The following IMMP2L variants were observed in gnomAD, a reference collection of about 807,000 sequenced individuals.
IMMP2L encodes inner mitochondrial membrane peptidase subunit 2.
IMMP2L carries 18 observed loss-of-function variants against 19.3 expected under a neutral mutation model. The observed-to-expected ratio is 0.93, with a 90% CI of 0.64 to 1.38. The LOEUF (loss-of-function observed/expected upper bound fraction) is 1.38. Among genes scored for constraint, IMMP2L ranks in the 40% most tolerant of loss-of-function variants. IMMP2L has a pLI of 0.00. For synonymous variants in IMMP2L, 76 were observed against 73.0 expected (o/e 1.04, Z -0.21); for missense variants, 233 against 218.2 (o/e 1.07, Z -0.43).
At chr7:110,928,154 C>T (rs1386421153) in intron 4 of IMMP2L, among the ~76,000 whole-genome samples, 1 of 151,418 alleles carries the variant, frequency 6.6e-6, no homozygotes, top group Non-Finnish European at 1.5e-5. Context: ...CACAACAAAC[C>T]CCTAAAACAG....
At chr7:111,465,108 C>A (rs1386863038) in intron 3 of IMMP2L, among the ~76,000 whole-genome samples, 2 of 152,118 alleles carry the variant, frequency 1.3e-5, no homozygotes, top group Admixed American at 6.6e-5. Context: ...ACAGCCAACT[C>A]TTTAAATTTT....
intron 3 of IMMP2L, among the ~76,000 whole-genome samples, chr7:111,451,841 G>T (rs569422327): frequency 1.3e-5 from 2 of 151,974 alleles, no homozygotes; most frequent in African/African-American, 2.4e-5. Context: ...GTTTTCTCTC[G>T]ATATATCACT....
At chr7:110,872,240 C>T (rs1808609166) in intron 5 of IMMP2L, among the ~76,000 whole-genome samples, 1 of 152,134 alleles carries the variant, frequency 6.6e-6, no homozygotes, top group Non-Finnish European at 1.5e-5. Context: ...ATATTCTAAA[C>T]ACTTCCACCT....
chr7:111,534,828 G>A lies in IMMP2L; in HGVS notation c.-2-13379C>T, dbSNP rs551364461. On this transcript the variant is annotated intron_variant, in intron 1 of 5. Transcript: ENST00000405709. ...TTCAAGACTTTCCACTGTTAAAGGA[G>A]GCTGAGCATACCAACGAAGAAATGC... is the stretch of plus-strand genomic sequence containing the variant. Among the ~76,000 whole-genome samples the A allele has an allele frequency of 3.9e-5, 6 of 152,240 alleles. No homozygotes were observed. The East Asian group carries it at 9.7e-4, about 24-fold the overall frequency.
At chr7:111,048,563 A>G (rs2129572358) in intron 3 of IMMP2L, among the ~76,000 whole-genome samples, 1 of 152,310 alleles carries the variant, frequency 6.6e-6, no homozygotes, top group Non-Finnish European at 1.5e-5. Flanking sequence ...GGTTATTGTT[A>G]GATGCTATTT....
intron 3 of IMMP2L, among the ~76,000 whole-genome samples, chr7:111,113,022 A>C (rs1209254038): frequency 6.6e-6 from 1 of 152,216 alleles, no homozygotes; most frequent in East Asian, 1.9e-4. Context: ...TTTATTTAAT[A>C]GCAATGAGAA....
chr7:111,290,714 C>T lies in IMMP2L; in HGVS notation c.239+196524G>A, dbSNP rs182103572. Among the ~76,000 whole-genome samples, 4 of 151,894 alleles carry T rather than the reference C, an allele frequency of 2.6e-5. No homozygotes were observed. In the East Asian group the frequency reaches 7.8e-4, roughly 29 times the overall value. On this transcript the variant is annotated intron_variant, in intron 3 of 5. Transcript: ENST00000405709. Reference sequence around the variant, plus strand: ...TCTGATGAATCTATTGCAAATTGAACTTTTGACCCTGTATAAATCCCCTTT... The same window carrying T: ...TCTGATGAATCTATTGCAAATTGAATTTTTGACCCTGTATAAATCCCCTTT...
intron 3 of IMMP2L, among the ~76,000 whole-genome samples, chr7:111,362,278 C>A (rs1395638818): frequency 3.3e-5 from 5 of 151,976 alleles, no homozygotes; most frequent in Admixed American, 3.3e-4. Context: ...CTCTATCATA[C>A]TTCTCTTCAA....
Position 111,053,737 on chromosome 7 carries a change from A to G in IMMP2L, c.240-90172T>C, listed in dbSNP as rs780268092. Among the ~76,000 whole-genome samples the G allele has an allele frequency of 3.7e-4, 57 of 152,336 alleles. No homozygotes were observed. The Middle Eastern group carries it at 0.01, about 27-fold the overall frequency. On this transcript the variant is annotated intron_variant, in intron 3 of 5. Coordinates refer to ENST00000405709, the MANE Select transcript of IMMP2L (RefSeq NM_032549.4). ...GTAGAGCAAGAAATCCAAGAAACACATCACAGGTAGGAAACTCTATTCAGT... is the reference window on the plus strand; with the variant it reads ...GTAGAGCAAGAAATCCAAGAAACACGTCACAGGTAGGAAACTCTATTCAGT...
intron 5 of IMMP2L, among the ~76,000 whole-genome samples, chr7:110,823,857 C>A (rs1803240089): frequency 6.6e-6 from 1 of 152,024 alleles, no homozygotes; most frequent in African/African-American, 2.4e-5. Flanking sequence ...TATGGCTATT[C>A]ATTAATTAAT....
chr7:110,753,037 A>G (rs1307558656), intron 5 of IMMP2L, among the ~76,000 whole-genome samples: 3 of 152,112 alleles, frequency 2.0e-5, no homozygotes, highest in Admixed American at 1.3e-4. Flanking sequence ...TTAACTTATA[A>G]TGGAGTATGG....
chr7:110,974,500 C>T (rs1208564906), intron 3 of IMMP2L, among the ~76,000 whole-genome samples: 1 of 152,100 alleles, frequency 6.6e-6, no homozygotes, highest in Non-Finnish European at 1.5e-5. Context: ...GATATGAAAT[C>T]AAGTAAATAC....
intron 3 of IMMP2L, among the ~76,000 whole-genome samples, chr7:111,258,591 C>G (rs1273196872): frequency 6.6e-6 from 1 of 152,080 alleles, no homozygotes; most frequent in Non-Finnish European, 1.5e-5. Flanking sequence ...CTGGCACCCT[C>G]CACCTTCCAG....
At chr7:111,273,273 T>C (rs772205579) in intron 3 of IMMP2L, among the ~76,000 whole-genome samples, 29 of 150,794 alleles carry the variant, frequency 1.9e-4, no homozygotes, top group Non-Finnish European at 1.3e-4. Context: ...TAAGACTCCA[T>C]CTCAAAAAAA....
intron 3 of IMMP2L, among the ~76,000 whole-genome samples, chr7:111,055,552 T>C (rs73418023): frequency 0.021 from 3,170 of 152,318 alleles, 103 homozygotes; most frequent in African/African-American, 0.072. Context: ...CTATCTAACT[T>C]TCTGCTGGGT....
At chr7:110,991,569 C>T (rs1457942382) in intron 3 of IMMP2L, among the ~76,000 whole-genome samples, 1 of 152,062 alleles carries the variant, frequency 6.6e-6, no homozygotes, top group African/African-American at 2.4e-5. Context: ...TAGGGCCATG[C>T]TGGCCCTCCT....
chr7:111,556,436 G>A (rs1049500147), intron 1 of IMMP2L, among the ~76,000 whole-genome samples: 1 of 151,908 alleles, frequency 6.6e-6, no homozygotes, highest in Admixed American at 6.6e-5. Flanking sequence ...ACAATAAAAT[G>A]TATTAAGTAA....
At chr7:111,251,992 T>G (rs967610583) in intron 3 of IMMP2L, among the ~76,000 whole-genome samples, 1 of 151,800 alleles carries the variant, frequency 6.6e-6, no homozygotes, top group African/African-American at 2.4e-5. Context: ...ATAAACTCTC[T>G]CCTGAAAAAA....
intron 3 of IMMP2L, among the ~76,000 whole-genome samples, chr7:111,057,565 G>T (rs2129574125): frequency 6.6e-6 from 1 of 152,306 alleles, no homozygotes; most frequent in South Asian, 2.1e-4. Flanking sequence ...TTCATAGAAA[G>T]CAGCTTACAT....
Sources: allele counts gnomAD v4.1 joint callset (sites outside exome capture counted in the v4.1 genomes callset), GRCh38; gene constraint gnomAD v4.1.1; transcripts MANE v1.5; gene names NCBI Gene and HGNC (gene_info 2026-07-23, HGNC 2026-07-21).